PCDHA12: variants seen among roughly 807,000 people sequenced by gnomAD.
The protein encoded by PCDHA12 is protocadherin alpha 12, also known as protocadherin alpha-12.
PCDHA12 carries 44 observed loss-of-function variants against 60.0 expected under a neutral mutation model. The ratio of observed to expected loss-of-function variants is 0.73; its 90% CI spans 0.58 to 0.94. The LOEUF (loss-of-function observed/expected upper bound fraction) is 0.94. Ranked by LOEUF, PCDHA12 falls within the 40% of genes least tolerant of loss-of-function variation. The pLI is 0.00. For missense variants in PCDHA12, 1,276 were observed against 1,239.7 expected (o/e 1.03, Z -0.44); for synonymous variants, 569 against 553.0 (o/e 1.03, Z -0.40).
rs139974024 is a variant in PCDHA12 at position 140,967,301 on chromosome 5, G to A, written c.2368-11648G>A. 5.0e-5 allele frequency: 81 copies of A among 1,612,148 alleles called. No homozygotes were observed. In the African/African-American group the frequency reaches 9.1e-4, roughly 18 times the overall value. ...GAGTGCGCAGGACCCCGACGTGGGC[G>A]CCAACTCAGTACAGACCTACGAGCT... On this transcript the variant is annotated intron_variant, in intron 1 of 3. Coordinates refer to ENST00000398631, the MANE Select transcript of PCDHA12 (RefSeq NM_018903.4).
chr5:140,970,270 T>C (rs2096394574), intron 1 of PCDHA12, among the ~76,000 whole-genome samples: 1 of 152,234 alleles, frequency 6.6e-6, no homozygotes, highest in Non-Finnish European at 1.5e-5. Context: ...TTTGATGAGA[T>C]GTAAAGTAGC....
intron 1 of PCDHA12, among the ~76,000 whole-genome samples, chr5:140,937,247 C>T (rs1370735573): frequency 6.6e-6 from 1 of 151,974 alleles, no homozygotes; most frequent in Non-Finnish European, 1.5e-5. Context: ...CCGTGTTAGC[C>T]AGGATGGTCT....
intron 1 of PCDHA12, among the ~76,000 whole-genome samples, chr5:140,945,772 T>A (rs538344111): frequency 1.2e-4 from 18 of 152,228 alleles, no homozygotes; most frequent in African/African-American, 4.1e-4. Context: ...GACAATTTGA[T>A]ATCCAGATGC....
At chr5:140,922,190 T>C (rs1486044845) in intron 1 of PCDHA12, among the ~76,000 whole-genome samples, 2 of 152,154 alleles carry the variant, frequency 1.3e-5, no homozygotes, top group African/African-American at 4.8e-5. Flanking sequence ...AAAAAAGTCT[T>C]ATCTTTAATG....
intron 1 of PCDHA12, among the ~76,000 whole-genome samples, chr5:140,898,705 A>C (rs1351081569): frequency 1.3e-5 from 2 of 152,142 alleles, no homozygotes; most frequent in Admixed American, 1.3e-4. Flanking sequence ...ACTTTAAAGT[A>C]GTTTTTTCCA....
At chr5:140,967,585 C>T (rs1278675624) in intron 1 of PCDHA12, 1 of 1,614,152 alleles carries the variant, frequency 6.2e-7, no homozygotes, top group Non-Finnish European at 8.5e-7. Flanking sequence ...CACCCCCAGG[C>T]ACATTGGTGG....
At chr5:140,905,182 A>C (rs1283931938) in intron 1 of PCDHA12, among the ~76,000 whole-genome samples, 1 of 152,172 alleles carries the variant, frequency 6.6e-6, no homozygotes. Context: ...TTTAGATTTA[A>C]GTCTTTGATC....
intron 1 of PCDHA12, among the ~76,000 whole-genome samples, chr5:140,956,370 A>G (rs1229960310): frequency 6.6e-6 from 1 of 152,152 alleles, no homozygotes; most frequent in East Asian, 1.9e-4. Context: ...GGGATGTTGA[A>G]TTTTATCGAA....
intron 1 of PCDHA12, among the ~76,000 whole-genome samples, chr5:140,894,303 A>G (rs1386163832): frequency 2.0e-5 from 3 of 151,922 alleles, no homozygotes; most frequent in Admixed American, 6.6e-5. Context: ...TTTCCTGGAA[A>G]GTTTTCTTAA....
intron 1 of PCDHA12, among the ~76,000 whole-genome samples, chr5:140,935,722 G>A (rs1230672751): frequency 6.6e-6 from 1 of 152,006 alleles, no homozygotes; most frequent in Non-Finnish European, 1.5e-5. Context: ...TATATTTAGA[G>A]AAGTCTAGTA....
chr5:140,980,085 T>C (rs1294414077), intron 2 of PCDHA12, among the ~76,000 whole-genome samples: 1 of 152,242 alleles, frequency 6.6e-6, no homozygotes, highest in Non-Finnish European at 1.5e-5. Context: ...AGATTAGTAG[T>C]TGGCTTGGTA....
intron 3 of PCDHA12, among the ~76,000 whole-genome samples, chr5:140,984,938 G>A (rs1355399601): frequency 2.0e-5 from 3 of 151,924 alleles, no homozygotes; most frequent in Non-Finnish European, 2.9e-5. Flanking sequence ...GTTAATAAAT[G>A]TCTAATCTTT....
In PCDHA12 at chr5:140,875,939, G is replaced by A. The variant is rs2055971750; in HGVS notation, c.467G>A (p.Gly156Asp). 1 of 1,614,158 alleles carries A rather than the reference G, an allele frequency of 6.2e-7. No homozygotes were observed. Among genetic ancestry groups the A allele is most frequent in the Non-Finnish European group, 8.5e-7 (1 of 1,180,026 alleles). ...CTGGACTCTCATTTTCCTCTAGAGG[G>A]CGCTTCTGATGCGGATATCGGCGTA... Reference protein sequence around the residue: ...APLDSHFPLEGASDADIGVNS... With the variant: ...APLDSHFPLEDASDADIGVNS... The change falls in exon 1 of 4, where the codon GGC becomes GAC. Residue 156 changes from glycine to aspartate, a missense_variant. Transcript: ENST00000398631.
rs199976895 is a variant in PCDHA12 at position 140,968,276 on chromosome 5, G to T, written c.2368-10673G>T. The T allele has an allele frequency of 9.2e-5, 148 of 1,613,952 alleles. No homozygotes were observed. Among genetic ancestry groups the T allele is most frequent in the Admixed American group, 5.5e-4 (33 of 60,008 alleles). On this transcript the variant is annotated intron_variant, in intron 1 of 3. Transcript: ENST00000398631. ...CCCAGATGAAAAGGAGAATGCAGAGGTGACCTACTCCCTTCTGGAGAGGGA... is the reference window on the plus strand; with the variant it reads ...CCCAGATGAAAAGGAGAATGCAGAGTTGACCTACTCCCTTCTGGAGAGGGA...
At chr5:140,934,365 A>T (rs2089794268) in intron 1 of PCDHA12, among the ~76,000 whole-genome samples, 1 of 151,884 alleles carries the variant, frequency 6.6e-6, no homozygotes, top group Non-Finnish European at 1.5e-5. Context: ...CACTGCTTTG[A>T]CTCCTTCTGT....
intron 3 of PCDHA12, among the ~76,000 whole-genome samples, chr5:141,007,475 C>T (rs575810038): frequency 1.2e-4 from 18 of 151,396 alleles, no homozygotes; most frequent in Non-Finnish European, 2.1e-4. Flanking sequence ...GGCTGAGGCA[C>T]GAGAATTACT....
In PCDHA12 at chr5:140,940,501, C is replaced by T. The variant is rs542798581; in HGVS notation, c.2368-38448C>T. Among the ~76,000 whole-genome samples, 272 of 152,010 alleles carry T rather than the reference C, an allele frequency of 1.8e-3. 2 individuals are homozygous for T. The highest frequency in any genetic ancestry group is 6.1e-3 in the African/African-American group (254 of 41,464). Reference sequence around the variant, plus strand: ...TTTTTCAAGACAAGTCTTGCTCCGTCGCTCAGGCGTGATCATAGCTCACTG... The same window carrying T: ...TTTTTCAAGACAAGTCTTGCTCCGTTGCTCAGGCGTGATCATAGCTCACTG... On this transcript the variant is annotated intron_variant, in intron 1 of 3. Coordinates refer to ENST00000398631, the MANE Select transcript of PCDHA12 (RefSeq NM_018903.4).
At chr5:140,882,344 A>T in intron 1 of PCDHA12, 2 of 1,614,084 alleles carry the variant, frequency 1.2e-6, no homozygotes, top group Admixed American at 3.3e-5. Flanking sequence ...AGCCTGGGAG[A>T]CGGGTAGTGG....
intron 1 of PCDHA12, among the ~76,000 whole-genome samples, chr5:140,961,425 T>G (rs2095610907): frequency 6.6e-6 from 1 of 152,226 alleles, no homozygotes; most frequent in Admixed American, 6.5e-5. Context: ...TTTAAACAAT[T>G]ACAAAATCAC....
Sources: gnomAD v4.1 joint callset for allele counts (sites outside exome capture counted in the v4.1 genomes callset) on GRCh38, gnomAD v4.1.1 for gene constraint, MANE v1.5 for transcripts, NCBI Gene and HGNC (gene_info 2026-07-23, HGNC 2026-07-21) for gene names.